DNTTIP2: variants seen among roughly 807,000 people sequenced by gnomAD.
DNTTIP2 encodes deoxynucleotidyltransferase terminal interacting protein 2, also known as deoxynucleotidyltransferase terminal-interacting protein 2.
DNTTIP2 carries 47 observed loss-of-function variants against 62.4 expected under a neutral mutation model. The ratio of observed to expected loss-of-function variants is 0.75; its 90% confidence interval spans 0.60 to 0.96. DNTTIP2 has a LOEUF of 0.96. Among genes scored for constraint, DNTTIP2 ranks in the 40% least tolerant of loss-of-function variants. DNTTIP2 has a pLI of 0.00. For synonymous variants in DNTTIP2, 322 were observed against 300.9 expected, an observed-to-expected ratio of 1.07 and a Z score of -0.73; for missense variants, 870 against 849.1, an observed-to-expected ratio of 1.02 and a Z score of -0.31.
intron 4 of DNTTIP2, among the ~76,000 whole-genome samples, chr1:93,872,890 T>A (rs958386899): frequency 6.1e-5 from 9 of 148,580 alleles, no homozygotes; most frequent in South Asian, 4.2e-4. Flanking sequence ...ATATATATTT[T>A]TTTAAAAAAC....
In DNTTIP2 at chr1:93,869,674, C is replaced by A; in HGVS notation, c.*177G>T. 1.8e-6 allele frequency: 1 copy of A among 554,278 alleles called. No individual in the cohort carries two copies. Among genetic ancestry groups the A allele is most frequent in the Non-Finnish European group, 3.3e-6 (1 of 302,842 alleles). 34.3% of individuals were successfully genotyped at this position (554,278 alleles called of 1,614,324 possible). ...ACACCAGGGTGGGTCTTTTAGACAC[C>A]CCTATTTTCTAAGGGCATGTAATCG... On this transcript the variant is annotated 3_prime_UTR_variant, in exon 7 of 7. Coordinates refer to ENST00000436063, the MANE Select transcript of DNTTIP2 (RefSeq NM_014597.5).
chr1:93,870,051 T>C, intron 6 of DNTTIP2, 107 bp from the exon 7 acceptor site: 1 of 630,610 alleles, frequency 1.6e-6, no homozygotes, highest in African/African-American at 1.8e-5. Context: ...ACAAGTATAG[T>C]CTCTGACCTC....
At chr1:93,878,966 G>C (rs1333355680) in intron 1 of DNTTIP2, 111 bp downstream of exon 1, 58 of 1,394,996 alleles carry the variant, frequency 4.2e-5, no homozygotes, top group Admixed American at 1.2e-4. Context: ...CGGCAAGCTC[G>C]GGTCCTCTCT....
intron 3 of DNTTIP2, among the ~76,000 whole-genome samples, chr1:93,875,264 T>A (rs542579300): frequency 6.6e-6 from 1 of 152,190 alleles, no homozygotes; most frequent in Non-Finnish European, 1.5e-5. Context: ...ATGTAAAATG[T>A]CTATATGCAC....
At chr1:93,874,603 A>G (rs910464475) in intron 3 of DNTTIP2, among the ~76,000 whole-genome samples, 4 of 152,150 alleles carry the variant, frequency 2.6e-5, no homozygotes, top group African/African-American at 7.2e-5. Context: ...TGGGTGGGGT[A>G]GAGAGGTACT....
At position 93,876,883 on chromosome 1, in the gene DNTTIP2, T is replaced by G. The variant is rs750993425; in HGVS notation, c.1052A>C (p.His351Pro). The G allele has an allele frequency of 1.1e-5, 17 of 1,613,832 alleles. No individual in the cohort carries two copies. Among genetic ancestry groups the G allele is most frequent in the African/African-American group, 2.7e-5 (2 of 74,918 alleles). The change falls in exon 2 of 7, where the codon CAC becomes CCC. Residue 351 changes from histidine (H) to proline (P), a missense_variant. Transcript: ENST00000436063. ...TACAGCCTCAGAGTTCAGATTAGAG[T>G]GCACTGATACAGCATTTTTATTTTG... ...TPQNKNAVSV[H>P]SNLNSEAVMK...
chr1:93,870,063 T>C (rs912426767), intron 6 of DNTTIP2, 119 bp from the exon 7 acceptor site: 17 of 602,880 alleles, frequency 2.8e-5, no homozygotes, highest in East Asian at 8.3e-5. Flanking sequence ...TCTGACCTCA[T>C]AGCACTTGCT....
At position 93,875,796 on chromosome 1, in the gene DNTTIP2, T is replaced by A. The variant is rs1655985045; in HGVS notation, c.1668-13A>T. ...TGTCAACTTCAGACTGAAAAAGAAATCATCACTTAAAGATCAAGTAATTAA... is the reference window on the plus strand; with the variant it reads ...TGTCAACTTCAGACTGAAAAAGAAAACATCACTTAAAGATCAAGTAATTAA... On this transcript the variant is annotated splice_polypyrimidine_tract_variant and intron_variant, in intron 2 of 6. Transcript: ENST00000436063. 7 of 1,601,358 alleles carry A rather than the reference T, an allele frequency of 4.4e-6. No homozygotes were observed. Among genetic ancestry groups the A allele is most frequent in the Non-Finnish European group, 5.1e-6 (6 of 1,176,044 alleles).
chr1:93,869,953 G>A lies in DNTTIP2; in HGVS notation c.2178-9C>T, dbSNP rs1260250437. The stretch of plus-strand genomic sequence containing the variant: ...ACTTCCTTCGGTTGTATCTGAAAAA[G>A]AAAAATCAGAACTTTATGTTTGATA... On this transcript the variant is annotated splice_polypyrimidine_tract_variant and intron_variant, in intron 6 of 6. Coordinates refer to ENST00000436063, the MANE Select transcript of DNTTIP2 (RefSeq NM_014597.5). 1.3e-6 allele frequency: 1 copy of A among 773,668 alleles called. No homozygotes were observed. Among genetic ancestry groups the A allele is most frequent in the East Asian group, 2.4e-5 (1 of 41,154 alleles). The allele number at this position is 773,668 out of a possible 1,614,324, so 47.9% of individuals were successfully genotyped here.
chr1:93,873,660 G>A (rs983814189), intron 3 of DNTTIP2, among the ~76,000 whole-genome samples: 2 of 151,140 alleles, frequency 1.3e-5, no homozygotes, highest in East Asian at 3.9e-4. Flanking sequence ...GGCCAGGCAC[G>A]ATGGCTCATG....
At chr1:93,871,058 A>G (rs1655849634) in intron 5 of DNTTIP2, 1 of 237,560 alleles carries the variant, frequency 4.2e-6, no homozygotes, top group Admixed American at 5.2e-5. Context: ...AAAGGAGAAA[A>G]GTGGAACAGA....
In DNTTIP2 at chr1:93,875,710, T is replaced by G. The variant is rs1655983290; in HGVS notation, c.1741A>C (p.Asn581His). 6.2e-7 allele frequency: 1 copy of G among 1,613,446 alleles called. No individual in the cohort carries two copies. The highest frequency in any genetic ancestry group is 8.5e-7 in the Non-Finnish European group (1 of 1,179,770). Residue 581 changes from asparagine (N) to histidine (H), a missense_variant, in exon 3 of 7, where the codon AAT becomes CAT. Transcript: ENST00000436063. ...TTGTTAGACTGTAGTTTATCTGCAT[T>G]AAAATTAATATACAAACCACCCAAC... ...KQLGGLYINF[N>H]ADKLQSNKRT... is the part of the protein sequence containing the mutation.
chr1:93,872,459 G>A (rs748291092), intron 4 of DNTTIP2, among the ~76,000 whole-genome samples: 4 of 152,140 alleles, frequency 2.6e-5, no homozygotes, highest in Admixed American at 6.5e-5. Flanking sequence ...ATAAATGAGG[G>A]CTCCGTAAAA....
chr1:93,871,822 T>C (rs1171951224), intron 5 of DNTTIP2, among the ~76,000 whole-genome samples: 2 of 152,186 alleles, frequency 1.3e-5, no homozygotes, highest in Non-Finnish European at 2.9e-5. Flanking sequence ...ATAGTGAACT[T>C]TATAGGTTCA....
chr1:93,878,827 A>C (rs1374741676), intron 1 of DNTTIP2: 8 of 498,474 alleles, frequency 1.6e-5, no homozygotes, highest in Non-Finnish European at 2.5e-5. Flanking sequence ...TTCTGCATTA[A>C]GGAGTTGAAC....
chr1:93,877,630 G>C lies in DNTTIP2; in HGVS notation c.305C>G (p.Thr102Ser). 1 of 1,613,948 alleles carries C rather than the reference G, an allele frequency of 6.2e-7. No individual in the cohort carries two copies. ...SNYSVSEHHD[T>S]ILRVTRRRQI... is the part of the protein sequence containing the mutation. ...CCTTCTCCTAGTTACCCTTAAAATG[G>C]TATCATGGTGCTCAGACACAGAATA... The change falls in exon 2 of 7, where the codon ACC becomes AGC. Residue 102 changes from threonine to serine, a missense_variant. Coordinates refer to ENST00000436063, the MANE Select transcript of DNTTIP2 (RefSeq NM_014597.5).
At position 93,876,610 on chromosome 1, in the gene DNTTIP2, A is replaced by C; in HGVS notation, c.1325T>G (p.Leu442Ter). Reference protein sequence around the residue: ...NTSQGKDNSVLLVLSSDESQQ... With the variant: ...NTSQGKDNSV ...GCTTTCATCACTGCTGAGAACTAGT[A>C]AGACAGAATTATCTTTACCCTGAGA... Residue 442 changes from leucine (L) to a stop codon, truncating the protein, a stop_gained, in exon 2 of 7, where the codon TTA (leucine) becomes TGA (stop). Transcript: ENST00000436063. LOFTEE classifies it high-confidence loss of function. The C allele has an allele frequency of 6.2e-7, 1 of 1,614,032 alleles. No individual in the cohort carries two copies. The highest frequency in any genetic ancestry group is 1.6e-4 in the Middle Eastern group (1 of 6,062).
intron 5 of DNTTIP2, among the ~76,000 whole-genome samples, chr1:93,871,655 C>T (rs1655866403): frequency 6.6e-6 from 1 of 152,126 alleles, no homozygotes; most frequent in Non-Finnish European, 1.5e-5. Flanking sequence ...AGACCCAATC[C>T]TATGTCATAA....
rs542013477 is a variant in DNTTIP2 at position 93,877,529 on chromosome 1, T to C, written c.406A>G (p.Thr136Ala). 6 of 1,614,048 alleles carry C rather than the reference T, an allele frequency of 3.7e-6. No homozygotes were observed. In the South Asian group the frequency reaches 5.5e-5, roughly 15 times the overall value. Residue 136 changes from threonine (T) to alanine (A), a missense_variant, in exon 2 of 7, where the codon ACT becomes GCT. Thr to Ala is a moderately conservative substitution (Grantham distance 58). Transcript: ENST00000436063. Reference protein sequence around the residue: ...PKVTPTKESYTEEIVSEAESH... With the variant: ...PKVTPTKESYAEEIVSEAESH... ...TCTGCTTCAGACACTATTTCTTCAGTGTAAGACTCCTTTGTTGGAGTTACT... is the reference window on the plus strand; with the variant it reads ...TCTGCTTCAGACACTATTTCTTCAGCGTAAGACTCCTTTGTTGGAGTTACT...
Sources: gnomAD v4.1 joint callset for allele counts (sites outside exome capture counted in the v4.1 genomes callset) on GRCh38, gnomAD v4.1.1 for gene constraint, MANE v1.5 for transcripts, NCBI Gene and HGNC (gene_info 2026-07-23, HGNC 2026-07-21) for gene names.